ZNF544: variants seen among roughly 807,000 people sequenced by gnomAD.
ZNF544 encodes the protein zinc finger protein 544, also known as zinc finger protein AF020591.
Under a neutral mutation model 13.5 loss-of-function variants are expected in ZNF544, and 10 were observed. The observed-to-expected ratio is 0.74, with a 90% CI of 0.46 to 1.25. The LOEUF (loss-of-function observed/expected upper bound fraction) is 1.25. ZNF544 is among the 50% of genes most tolerant of loss of function. ZNF544 has a pLI of 0.00. For synonymous variants in ZNF544, 323 were observed against 300.5 expected, an observed-to-expected ratio of 1.07 and a Z score of -0.77; for missense variants, 896 against 845.6, an observed-to-expected ratio of 1.06 and a Z score of -0.74.
At chr19:58,232,471 C>T (rs1270146595) in intron 3 of ZNF544, among the ~76,000 whole-genome samples, 1 of 150,322 alleles carries the variant, frequency 6.7e-6, no homozygotes, top group African/African-American at 2.5e-5. Context: ...CCACCTCAGC[C>T]TTCTCAGTAG....
At chr19:58,245,777 A>G (rs1276530112) in intron 4 of ZNF544, 1 of 169,232 alleles carries the variant, frequency 5.9e-6, no homozygotes, top group African/African-American at 2.4e-5. Context: ...CGAATCTGTG[A>G]TTTTTGTAGA....
downstream of ZNF544, among the ~76,000 whole-genome samples, chr19:58,266,319 T>C (rs1290148711): frequency 3.6e-5 from 5 of 140,744 alleles, no homozygotes; most frequent in African/African-American, 7.8e-5. Context: ...ATCAAGACCA[T>C]CCTGGCTAAC....
chr19:58,237,702 T>C (rs2042725807), intron 3 of ZNF544, among the ~76,000 whole-genome samples: 1 of 152,238 alleles, frequency 6.6e-6, no homozygotes, highest in African/African-American at 2.4e-5. Context: ...ATTTTCCTTT[T>C]GTGTCTTAAA....
At chr19:58,257,515 G>A (rs1282914929) in intron 6 of ZNF544, 1 of 152,216 alleles carries the variant, frequency 6.6e-6, no homozygotes, top group Non-Finnish European at 1.5e-5. Context: ...CTATGCAGAT[G>A]TCTGACTGGT....
In ZNF544 at chr19:58,243,999, C is replaced by T. The variant is rs201037020; in HGVS notation, c.-25C>T. On this transcript the variant is annotated 5_prime_UTR_variant, in exon 4 of 7. Coordinates refer to ENST00000687789, the MANE Select transcript of ZNF544 (RefSeq NM_014480.4). ...CTGAGGACCTCTGCCCTCTACACAG[C>T]GGCCTCTTCAGGTGCAGGGAGGAAA... 2.1e-4 allele frequency: 333 copies of T among 1,603,514 alleles called. No individual in the cohort carries two copies. Among genetic ancestry groups the T allele is most frequent in the South Asian group, 5.6e-4 (50 of 89,042 alleles).
chr19:58,251,486 G>T, intron 6 of ZNF544: 2 of 437,690 alleles, frequency 4.6e-6, no homozygotes, highest in Non-Finnish European at 9.3e-6. Flanking sequence ...CACTTTGATT[G>T]TAATTATTGA....
rs1038348079 is a variant in ZNF544, at chr19:58,261,890, A to C, written c.1284A>C (p.Arg428=). 2.2e-5 allele frequency: 35 copies of C among 1,613,118 alleles called. No homozygotes were observed. The highest frequency in any genetic ancestry group is 2.9e-5 in the Non-Finnish European group (34 of 1,179,882). ...GATCCAAACTTATTACACATCAGCG[A>C]ATTCACACTGGAGAAAAACCGTATC... ...TQRSKLITHQ[R]IHTGEKPYQC... is the part of the protein sequence containing the mutation. The change falls in exon 7 of 7, where the codon CGA becomes CGC. Residue 428 remains arginine (R), a synonymous_variant. Coordinates refer to ENST00000687789, the MANE Select transcript of ZNF544 (RefSeq NM_014480.4).
chr19:58,259,074 GT>G (rs2048325993), intron 6 of ZNF544: 1 of 152,158 alleles, frequency 6.6e-6, no homozygotes, highest in South Asian at 2.1e-4. Flanking sequence ...AATAAATCTT[GT>G]AGGCTAAACA....
chr19:58,269,207 G>A (rs1353819256), intron 5 of ZNF544, among the ~76,000 whole-genome samples: 1 of 152,154 alleles, frequency 6.6e-6, no homozygotes, highest in East Asian at 1.9e-4. Context: ...GGCTGAGGCA[G>A]GCAGATCACC....
chr19:58,273,768 A>G (rs2050963424), intron 5 of ZNF544, among the ~76,000 whole-genome samples: 1 of 151,692 alleles, frequency 6.6e-6, no homozygotes, highest in Non-Finnish European at 1.5e-5. Context: ...CACTCTTAAA[A>G]GTCACTGAAG....
rs749091926 is a variant in ZNF544 at position 58,260,838 on chromosome 19, G to A, written c.245-13G>A. Reference sequence around the variant, plus strand: ...GCTTCTCCAGTAACTTAGGCATTTTGGATTTCTTTCAGACTGGAAAGCTAC... The same window carrying A: ...GCTTCTCCAGTAACTTAGGCATTTTAGATTTCTTTCAGACTGGAAAGCTAC... On this transcript the variant is annotated splice_polypyrimidine_tract_variant and intron_variant, in intron 6 of 6. Coordinates refer to ENST00000687789, the MANE Select transcript of ZNF544 (RefSeq NM_014480.4). 1 of 1,493,704 alleles carries A rather than the reference G, an allele frequency of 6.7e-7. No homozygotes were observed. Among genetic ancestry groups the A allele is most frequent in the Admixed American group, 2.2e-5 (1 of 45,766 alleles). 92.5% of individuals were successfully genotyped at this position (1,493,704 alleles called of 1,614,324 possible). A position where few individuals can be genotyped will look rare whatever the true frequency, so the allele number is the denominator to read the frequency against.
At chr19:58,243,822 T>C in intron 3 of ZNF544, 143 bp from the exon 4 acceptor site, 1 of 546,890 alleles carries the variant, frequency 1.8e-6, no homozygotes, top group Non-Finnish European at 3.0e-6. Flanking sequence ...GAGCCTGAGG[T>C]AGCCCAGGTC....
At chr19:58,247,841 A>G (rs143356644) in intron 6 of ZNF544, among the ~76,000 whole-genome samples, 34 of 152,272 alleles carry the variant, frequency 2.2e-4, no homozygotes, top group African/African-American at 7.2e-4. Context: ...CTACAGACAC[A>G]TGCAGTGTCT....
chr19:58,269,411 G>A (rs2050329790), intron 5 of ZNF544, among the ~76,000 whole-genome samples: 1 of 150,030 alleles, frequency 6.7e-6, no homozygotes, highest in Admixed American at 6.7e-5. Flanking sequence ...CTCCAGCCTT[G>A]GGCGACAAAG....
chr19:58,272,727 C>T (rs1389371134), intron 5 of ZNF544, among the ~76,000 whole-genome samples: 7 of 150,810 alleles, frequency 4.6e-5, no homozygotes, highest in African/African-American at 1.5e-4. Flanking sequence ...TACTAAAAGA[C>T]GTGGTGGTGC....
chr19:58,272,440 C>G (rs1415995623), intron 5 of ZNF544, among the ~76,000 whole-genome samples: 1 of 152,092 alleles, frequency 6.6e-6, no homozygotes, highest in Non-Finnish European at 1.5e-5. Context: ...GCCTGTTGTT[C>G]CAGCTACTCA....
chr19:58,275,801 A>AAAAAAAAAAAAAAAGGAAAG (rs1285505903), intron 5 of ZNF544, among the ~76,000 whole-genome samples: 1 of 131,686 alleles, frequency 7.6e-6, no homozygotes, highest in African/African-American at 2.9e-5. Flanking sequence ...AAAAAAAAAA[A>AAAAAAAAAAAAAAAGGAAAG]AGGAAAGAGG....
chr19:58,236,909 T>C (rs2146631357), intron 3 of ZNF544, among the ~76,000 whole-genome samples: 1 of 150,968 alleles, frequency 6.6e-6, no homozygotes, highest in African/African-American at 2.4e-5. Flanking sequence ...GCCCAGCTAA[T>C]TTTTTGTATT....
At chr19:58,266,406 G>A (rs2449639), downstream of ZNF544, among the ~76,000 whole-genome samples, 1 of 149,668 alleles carries the variant, frequency 6.7e-6, no homozygotes, top group Non-Finnish European at 1.5e-5. Flanking sequence ...TCCCAGCTAC[G>A]AGGGAGGCTG....
Sources: gnomAD v4.1 joint callset for allele counts (sites outside exome capture counted in the v4.1 genomes callset) on GRCh38, gnomAD v4.1.1 for gene constraint, MANE v1.5 for transcripts, NCBI Gene and HGNC (gene_info 2026-07-23, HGNC 2026-07-21) for gene names.